Variants in ANKRD28 observed in about 807,000 individuals in gnomAD.
The protein encoded by ANKRD28 is serine/threonine-protein phosphatase 6 regulatory ankyrin repeat subunit A.
A neutral mutation model predicts 126.5 loss-of-function variants in ANKRD28; 44 were observed. The ratio of observed to expected loss-of-function variants is 0.35; its 90% CI spans 0.27 to 0.45. The LOEUF (loss-of-function observed/expected upper bound fraction) is 0.45, where lower values mean the gene tolerates loss of function less well. Among genes scored for constraint, ANKRD28 ranks in the 20% least tolerant of loss-of-function variants. ANKRD28 has a pLI of 1.00. For missense variants in ANKRD28, 1,110 were observed against 1,316.6 expected, an observed-to-expected ratio of 0.84 and a Z score of 2.43; for synonymous variants, 442 against 468.5, an observed-to-expected ratio of 0.94 and a Z score of 0.73.
In ANKRD28 at chr3:15,843,789, C is replaced by A. The variant is rs1176871707; in HGVS notation, c.27+15588G>T. 6.6e-6 allele frequency among the ~76,000 whole-genome samples: 1 copy of A among 150,532 alleles called. No homozygotes were observed. The highest frequency in any genetic ancestry group is 1.5e-5 in the Non-Finnish European group (1 of 67,698). On this transcript the variant is annotated intron_variant, in intron 1 of 27. Coordinates refer to the ANKRD28 transcript ENST00000399451. This position sits in a 1 kb window ranked among gnomAD's most constrained non-coding sequence, Gnocchi z 5.2. ...AAAAATAATAAAAAAAAAAAAGAGG[C>A]AGAAATCAAAATGTAGAAATAAAAC...
rs1422264466 is a variant in ANKRD28 at position 15,845,035 on chromosome 3, G to T, written c.27+14342C>A. Among the ~76,000 whole-genome samples, 1 of 152,056 alleles carries T rather than the reference G, an allele frequency of 6.6e-6. No individual in the cohort carries two copies. The highest frequency in any genetic ancestry group is 2.4e-5 in the African/African-American group (1 of 41,402). The stretch of plus-strand genomic sequence containing the variant: ...TGGAGCAGGAGCAAAATGGGGACAC[G>T]GGGGTGCTAGGCACTTTTAAACAAC... On this transcript the variant is annotated intron_variant, in intron 1 of 27. Coordinates refer to the ANKRD28 transcript ENST00000399451. The surrounding 1 kb of genome is among the most constrained non-coding windows in gnomAD (Gnocchi z 4.9).
chr3:15,777,903 C>CACACACACACACA (rs1553631647), intron 2 of ANKRD28, among the ~76,000 whole-genome samples: 29 of 148,968 alleles, frequency 1.9e-4, no homozygotes, highest in Non-Finnish European at 3.3e-4. Context: ...CACACACACA[C>CACACACACACACA]CCTCTCCGCC....
chr3:15,804,402 C>G (rs1451583389), intron 1 of ANKRD28, among the ~76,000 whole-genome samples: 1 of 145,434 alleles, frequency 6.9e-6, no homozygotes, highest in Non-Finnish European at 1.5e-5. Context: ...CTCCATAAAC[C>G]TCATTATTTT....
chr3:15,705,700 C>T (rs1190482144), intron 14 of ANKRD28, among the ~76,000 whole-genome samples: 1 of 152,052 alleles, frequency 6.6e-6, no homozygotes, highest in Non-Finnish European at 1.5e-5. Context: ...ATTACTATTG[C>T]CTTTAAGATT....
chr3:15,859,470 G>A (rs955710514), exon 1 of ANKRD28: 2 of 1,379,412 alleles, frequency 1.4e-6, no homozygotes, highest in Admixed American at 2.2e-5. Context: ...CCGCCGACCG[G>A]CCCACTGCTC....
intron 1 of ANKRD28, among the ~76,000 whole-genome samples, chr3:15,823,953 C>G (rs573020958): frequency 1.4e-4 from 21 of 152,246 alleles, no homozygotes; most frequent in Non-Finnish European, 2.6e-4. Context: ...GCTAATATCA[C>G]AGTTAAGGGT....
chr3:15,680,376 T>C (rs1330239326), intron 21 of ANKRD28, among the ~76,000 whole-genome samples: 2 of 151,910 alleles, frequency 1.3e-5, no homozygotes, highest in African/African-American at 4.8e-5. Flanking sequence ...GCTAGCTTTT[T>C]TCGTATTTTT....
chr3:15,670,556 C>G lies in ANKRD28; in HGVS notation c.2966G>C (p.Gly989Ala). 1 of 1,606,694 alleles carries G rather than the reference C, an allele frequency of 6.2e-7. No homozygotes were observed. The highest frequency in any genetic ancestry group is 8.5e-7 in the Non-Finnish European group (1 of 1,175,778). The change falls in exon 28 of 28, where the codon GGC becomes GCC. Residue 989 changes from glycine to alanine, a missense_variant and splice_region_variant. Physicochemically the swap from Gly to Ala is moderately conservative, Grantham distance 60. Coordinates refer to ENST00000683139, the MANE Select transcript of ANKRD28 (RefSeq NM_001349278.2). ...AGCACAGGCCAAAGCTGGGGTATAG[C>G]CTAGAATTAAAGATAAAATTTAAAA... is the stretch of plus-strand genomic sequence containing the variant. ...GASVLAVDEN[G>A]YTPALACAPN...
chr3:15,691,078 C>A (rs967294313), intron 17 of ANKRD28, among the ~76,000 whole-genome samples: 1 of 151,912 alleles, frequency 6.6e-6, no homozygotes, highest in African/African-American at 2.4e-5. Context: ...CAGGCATTGT[C>A]CTAGCTGTAC....
rs1361219263 is a variant in ANKRD28, at chr3:15,830,642, T to C, written c.27+28735A>G. On this transcript the variant is annotated intron_variant, in intron 1 of 27. Transcript: ENST00000399451. This position sits in a 1 kb window ranked among gnomAD's most constrained non-coding sequence, Gnocchi z 4.5. ...AACTGGTCCCTGGTGCCAAAAACAC[T>C]GGGGACTGCTGCAGTAATGGATTAA... Among the ~76,000 whole-genome samples the C allele has an allele frequency of 6.7e-6, 1 of 148,228 alleles. No homozygotes were observed. Among genetic ancestry groups the C allele is most frequent in the African/African-American group, 2.5e-5 (1 of 39,820 alleles).
intron 18 of ANKRD28, among the ~76,000 whole-genome samples, chr3:15,686,682 T>C (rs548079082): frequency 4.1e-4 from 63 of 152,316 alleles, no homozygotes; most frequent in Non-Finnish European, 8.5e-4. Context: ...CATTCTCCTC[T>C]GACAGTGATC....
At chr3:15,703,619 G>A (rs979302381) in intron 14 of ANKRD28, among the ~76,000 whole-genome samples, 2 of 152,208 alleles carry the variant, frequency 1.3e-5, no homozygotes, top group African/African-American at 4.8e-5. Flanking sequence ...TTCCAGAACT[G>A]TGAGAAATAA....
intron 4 of ANKRD28, among the ~76,000 whole-genome samples, chr3:15,745,341 G>A (rs563551015): frequency 7.3e-4 from 111 of 152,224 alleles, no homozygotes; most frequent in African/African-American, 2.6e-3. Flanking sequence ...AATCTCTATG[G>A]TTTCAGGTCT....
At chr3:15,756,730 T>C (rs530056498) in intron 3 of ANKRD28, among the ~76,000 whole-genome samples, 10 of 152,214 alleles carry the variant, frequency 6.6e-5, no homozygotes, top group African/African-American at 2.4e-4. Context: ...GATATGAATA[T>C]GTATGGACAG....
At chr3:15,759,797 C>T (rs564654439) in intron 3 of ANKRD28, among the ~76,000 whole-genome samples, 2 of 152,272 alleles carry the variant, frequency 1.3e-5, no homozygotes, top group South Asian at 2.1e-4. Context: ...GGAAGGTTAC[C>T]GAGTCCTCTA....
At chr3:15,688,131 TAATGTCTCAGTTC>T in intron 18 of ANKRD28, among the ~76,000 whole-genome samples, 1 of 150,138 alleles carries the variant, frequency 6.7e-6, no homozygotes, top group Non-Finnish European at 1.5e-5. Flanking sequence ...AGGGACTGGC[TAATGTCTCAGTTC>T]AATATTTACC....
intron 2 of ANKRD28, among the ~76,000 whole-genome samples, chr3:15,794,103 C>A (rs180846891): frequency 2.6e-5 from 4 of 151,116 alleles, no homozygotes; most frequent in Non-Finnish European, 5.9e-5. Flanking sequence ...ATACATAAAT[C>A]CTGAATTAGG....
chr3:15,776,043 T>G (rs1443478642), intron 2 of ANKRD28, among the ~76,000 whole-genome samples: 1 of 152,088 alleles, frequency 6.6e-6, no homozygotes, highest in Non-Finnish European at 1.5e-5. Flanking sequence ...CTCATAAGCA[T>G]AAAAAAGACA....
At chr3:15,840,845 G>A (rs1371667158) in intron 1 of ANKRD28, among the ~76,000 whole-genome samples, 2 of 152,152 alleles carry the variant, frequency 1.3e-5, no homozygotes, top group Non-Finnish European at 2.9e-5. Flanking sequence ...ACATGGAAAA[G>A]AATGAAGACT....
Sources: allele counts gnomAD v4.1 joint callset (sites outside exome capture counted in the v4.1 genomes callset), GRCh38; gene constraint gnomAD v4.1.1; non-coding constraint Gnocchi (gnomAD v3.1); transcripts MANE v1.5; gene names NCBI Gene and HGNC (gene_info 2026-07-23, HGNC 2026-07-21).